Variants in SYMPK observed in about 807,000 individuals in gnomAD.
The protein encoded by SYMPK is symplekin.
Under a neutral mutation model 136.4 loss-of-function variants are expected in SYMPK, and 49 were observed. The ratio of observed to expected loss-of-function variants is 0.36; its 90% CI spans 0.29 to 0.46. The LOEUF (loss-of-function observed/expected upper bound fraction) is 0.46. Among genes scored for constraint, SYMPK ranks in the 20% least tolerant of loss-of-function variants. SYMPK has a pLI of 1.00. For missense variants in SYMPK, 1,365 were observed against 1,690.0 expected, an observed-to-expected ratio of 0.81 and a Z score of 3.37; for synonymous variants, 766 against 713.0, an observed-to-expected ratio of 1.07 and a Z score of -1.19.
chr19:45,832,576 A>G (rs1419692718), intron 11 of SYMPK, among the ~76,000 whole-genome samples: 1 of 152,168 alleles, frequency 6.6e-6, no homozygotes. Context: ...TTTATTCCCA[A>G]TGGCCAAAAA....
At chr19:45,831,129 A>G in intron 12 of SYMPK, 1 of 348,830 alleles carries the variant, frequency 2.9e-6, no homozygotes. Flanking sequence ...TCCTTATGAG[A>G]AAGATACTAT....
intron 18 of SYMPK, 150 bp from the exon 19 acceptor site, chr19:45,824,025 G>A: frequency 4.1e-6 from 2 of 486,274 alleles, no homozygotes; most frequent in Non-Finnish European, 7.6e-6. Context: ...GTGGGGAAGG[G>A]CAGGAGAGTC....
Position 45,815,447 on chromosome 19 carries a change from T to A in SYMPK, c.*113A>T, listed in dbSNP as rs1970700093. ...CTTTTTTTTTTTCTTTTCAGTAACT[T>A]GCCCAAGTTCACATCTTTTATTTCT... On this transcript the variant is annotated 3_prime_UTR_variant, in exon 27 of 27. Transcript: ENST00000245934. 8.8e-7 allele frequency: 1 copy of A among 1,139,606 alleles called. No individual in the cohort carries two copies. Among genetic ancestry groups the A allele is most frequent in the African/African-American group, 1.6e-5 (1 of 62,612 alleles). The allele number at this position is 1,139,606 out of a possible 1,614,324, so 70.6% of individuals were successfully genotyped here. A position where few individuals can be genotyped will look rare whatever the true frequency, so the allele number is the denominator to read the frequency against.
chr19:45,852,006 G>A (rs1009786903), intron 5 of SYMPK, among the ~76,000 whole-genome samples: 2 of 152,260 alleles, frequency 1.3e-5, no homozygotes, highest in African/African-American at 4.8e-5. Flanking sequence ...GGAAAGGGTG[G>A]CTTGGGCCTG....
intron 7 of SYMPK, among the ~76,000 whole-genome samples, chr19:45,844,934 G>A (rs1003957434): frequency 1.3e-4 from 20 of 151,914 alleles, no homozygotes; most frequent in African/African-American, 4.6e-4. Flanking sequence ...ATAATTATGG[G>A]GTACATGAGA....
At chr19:45,848,985 G>A (rs765020995) in intron 5 of SYMPK, 109 bp from the exon 6 acceptor site, 29 of 1,321,440 alleles carry the variant, frequency 2.2e-5, no homozygotes, top group Middle Eastern at 2.6e-4. Flanking sequence ...TCAGGGGACC[G>A]GAATGGCACA....
At chr19:45,854,270 TG>T in intron 2 of SYMPK, 30 bp from the exon 3 acceptor site, 1 of 1,613,456 alleles carries the variant, frequency 6.2e-7, no homozygotes, top group Middle Eastern at 1.7e-4. Context: ...CAGGGGATAG[TG>T]CCAGCCCAGT....
chr19:45,841,284 A>AC (rs1287160930), intron 9 of SYMPK, among the ~76,000 whole-genome samples: 8 of 126,114 alleles, frequency 6.3e-5, no homozygotes, highest in Non-Finnish European at 9.9e-5. Context: ...GTGCCTGGCA[A>AC]TTCCCCCCCC....
chr19:45,855,386 T>C (rs1971800140), intron 1 of SYMPK: 1 of 152,184 alleles, frequency 6.6e-6, no homozygotes, highest in African/African-American at 2.4e-5. Context: ...ATGATTAACG[T>C]AGCAGTATAT....
chr19:45,851,872 G>A (rs867231767), intron 5 of SYMPK, among the ~76,000 whole-genome samples: 13 of 152,032 alleles, frequency 8.6e-5, no homozygotes, highest in Non-Finnish European at 1.5e-4. Context: ...GCGAGACTCC[G>A]TCTCAAAACA....
At position 45,825,453 on chromosome 19, in the gene SYMPK, G is replaced by A. The variant is rs935324355; in HGVS notation, c.2330-122C>T. 5 of 1,250,440 alleles carry A rather than the reference G, an allele frequency of 4.0e-6. No individual in the cohort carries two copies. In the African/African-American group the frequency reaches 7.6e-5, roughly 19 times the overall value. 77.5% of individuals were successfully genotyped at this position (1,250,440 alleles called of 1,614,324 possible). A position where few individuals can be genotyped will look rare whatever the true frequency, so the allele number is the denominator to read the frequency against. On this transcript the variant is annotated intron_variant, in intron 17 of 26. Transcript: ENST00000245934. ...GGGCAGAGAAGGGAGCCGGGGCTGG[G>A]GAGCTAATTGTTCTAGGGCAGGGAA... is the stretch of plus-strand genomic sequence containing the variant.
At chr19:45,823,907 G>C (rs1247308572) in intron 18 of SYMPK, 32 bp from the exon 19 acceptor site, 1 of 1,589,272 alleles carries the variant, frequency 6.3e-7, no homozygotes, top group Non-Finnish European at 8.6e-7. Flanking sequence ...ACCAGACCCA[G>C]GGTGAGAGCT....
At position 45,827,867 on chromosome 19, in the gene SYMPK, C is replaced by T; in HGVS notation, c.2037G>A (p.Leu679=). 1 of 1,614,092 alleles carries T rather than the reference C, an allele frequency of 6.2e-7. No homozygotes were observed. The highest frequency in any genetic ancestry group is 1.3e-5 in the African/African-American group (1 of 75,072). ...LEAPLITESA[L]EVVRKYCEDE... is the part of the protein sequence containing the mutation. ...CCTCGCAGTACTTGCGGACCACCTCCAGGGCACTCTCTGTGATGAGTGGCG... is the reference window on the plus strand; with the variant it reads ...CCTCGCAGTACTTGCGGACCACCTCTAGGGCACTCTCTGTGATGAGTGGCG... The change falls in exon 15 of 27, where the codon CTG becomes CTA. Residue 679 remains leucine, a synonymous_variant. Coordinates refer to ENST00000245934, the MANE Select transcript of SYMPK (RefSeq NM_004819.3).
At position 45,845,115 on chromosome 19, in the gene SYMPK, C is replaced by CAT. The variant is rs538868841; in HGVS notation, c.677-916_677-915insAT. ...CCTGCTGTGCTATCAAATACTGGAT[C>CAT]TTTTTTTTTTTCCCTGAGATGGGGT... is the stretch of plus-strand genomic sequence containing the variant. On this transcript the variant is annotated intron_variant, in intron 7 of 26. Transcript: ENST00000245934. Among the ~76,000 whole-genome samples the CAT allele has an allele frequency of 2.0e-5, 3 of 147,160 alleles. No homozygotes were observed. In the East Asian group the frequency reaches 5.9e-4, roughly 29 times the overall value.
intron 7 of SYMPK, among the ~76,000 whole-genome samples, chr19:45,847,540 G>A (rs1310424716): frequency 6.6e-6 from 1 of 152,056 alleles, no homozygotes; most frequent in African/African-American, 2.4e-5. Context: ...TTACAAAAAA[G>A]AAAATGAAGT....
At chr19:45,818,682 G>A (rs1215634419) in intron 22 of SYMPK, among the ~76,000 whole-genome samples, 2 of 152,178 alleles carry the variant, frequency 1.3e-5, no homozygotes, top group Non-Finnish European at 1.5e-5. Flanking sequence ...GAGTAATAGC[G>A]AAGGGAGGGA....
chr19:45,842,721 T>C, intron 8 of SYMPK: 2 of 549,346 alleles, frequency 3.6e-6, no homozygotes, highest in Middle Eastern at 4.8e-4. Flanking sequence ...TCTCTTTTAG[T>C]AAATACATAC....
At chr19:45,854,878 TC>T in intron 1 of SYMPK, 2 of 188,212 alleles carry the variant, frequency 1.1e-5, no homozygotes, top group South Asian at 9.9e-5. Flanking sequence ...CAGCAAACTT[TC>T]TTTTTTTTTT....
intron 12 of SYMPK, 83 bp downstream of exon 12, chr19:45,831,301 G>T: frequency 3.3e-6 from 3 of 913,830 alleles, no homozygotes; most frequent in South Asian, 4.1e-5. Flanking sequence ...ACACGCACAC[G>T]CACACGCACA....
Sources: gnomAD v4.1 joint callset for allele counts (sites outside exome capture counted in the v4.1 genomes callset) on GRCh38, gnomAD v4.1.1 for gene constraint, MANE v1.5 for transcripts, NCBI Gene and HGNC (gene_info 2026-07-23, HGNC 2026-07-21) for gene names.